The following STK32B variants were observed in gnomAD, a reference collection of about 807,000 sequenced individuals.
STK32B encodes serine/threonine kinase 32B, also known as serine/threonine-protein kinase 32B.
STK32B carries 43 observed loss-of-function variants against 52.6 expected under a neutral mutation model. The observed-to-expected ratio is 0.82, with a 90% confidence interval of 0.64 to 1.05. The LOEUF (loss-of-function observed/expected upper bound fraction) is 1.05, where lower values mean the gene tolerates loss of function less well. Among genes scored for constraint, STK32B ranks in the 50% least tolerant of loss-of-function variants. The pLI, the probability that STK32B is intolerant of heterozygous loss-of-function variation, is 0.00. For missense variants in STK32B, 621 were observed against 534.6 expected, an observed-to-expected ratio of 1.16 and a Z score of -1.59; for synonymous variants, 238 against 204.3, an observed-to-expected ratio of 1.17 and a Z score of -1.41.
At chr4:5,190,637 C>T (rs1461666110) in intron 3 of STK32B, among the ~76,000 whole-genome samples, 2 of 152,142 alleles carry the variant, frequency 1.3e-5, no homozygotes, top group Non-Finnish European at 2.9e-5. Context: ...ACACGGAGAT[C>T]GGCAAAACTC....
chr4:5,320,410 A>G (rs997648129), intron 3 of STK32B, among the ~76,000 whole-genome samples: 3 of 152,204 alleles, frequency 2.0e-5, no homozygotes, highest in South Asian at 2.1e-4. Context: ...TTGTTATTCC[A>G]TAGTCAAAAT....
chr4:5,309,260 A>C, intron 3 of STK32B, among the ~76,000 whole-genome samples: 1 of 152,190 alleles, frequency 6.6e-6, no homozygotes, highest in Admixed American at 6.5e-5. Flanking sequence ...AAAAATGGAA[A>C]GTTATCTCAT....
chr4:5,148,434 T>C (rs1056178795), intron 2 of STK32B, among the ~76,000 whole-genome samples: 4 of 151,862 alleles, frequency 2.6e-5, no homozygotes, highest in African/African-American at 7.2e-5. Context: ...TGATATGTTG[T>C]ATTTTATTAT....
intron 3 of STK32B, among the ~76,000 whole-genome samples, chr4:5,188,295 T>C (rs990218972): frequency 2.0e-5 from 3 of 152,132 alleles, no homozygotes; most frequent in Admixed American, 6.5e-5. Context: ...GCCGCAGAAA[T>C]AGCATTCGCA....
At chr4:5,427,719 T>G (rs1447600325) in intron 6 of STK32B, among the ~76,000 whole-genome samples, 1 of 152,160 alleles carries the variant, frequency 6.6e-6, no homozygotes, top group East Asian at 1.9e-4. Flanking sequence ...TATTATCCTT[T>G]TAATGAGTGT....
chr4:5,368,222 G>C (rs1735000978), intron 4 of STK32B, among the ~76,000 whole-genome samples: 1 of 152,170 alleles, frequency 6.6e-6, no homozygotes, highest in African/African-American at 2.4e-5. Flanking sequence ...CACTTGTTAG[G>C]TCTGCCTCTA....
rs944407427 is a variant in STK32B at position 5,453,187 on chromosome 4, G to A, written c.667-3620G>A. On this transcript the variant is annotated intron_variant, in intron 7 of 11. Coordinates refer to ENST00000282908, the MANE Select transcript of STK32B (RefSeq NM_018401.3). This position sits in a 1 kb window ranked among gnomAD's most constrained non-coding sequence, Gnocchi z 4.0. ...TCATCATTGTTTTTGTAATTGGTCC[G>A]GTTGCCTCCAGAAGGAGAGAGAATT... 7.9e-5 allele frequency among the ~76,000 whole-genome samples: 12 copies of A among 151,458 alleles called. No homozygotes were observed. The highest frequency in any genetic ancestry group is 2.0e-4 in the Admixed American group (3 of 15,164).
rs193195803 is a variant in STK32B at position 5,398,025 on chromosome 4, C to T, written c.435-182C>T. 3.1e-3 allele frequency among the ~76,000 whole-genome samples: 475 copies of T among 152,290 alleles called. No homozygotes were observed. The highest frequency in any genetic ancestry group is 0.014 in the Middle Eastern group (4 of 294). On this transcript the variant is annotated intron_variant, in intron 4 of 11. Coordinates refer to ENST00000282908, the MANE Select transcript of STK32B (RefSeq NM_018401.3). The surrounding 1 kb of genome is among the most constrained non-coding windows in gnomAD (Gnocchi z 4.9). ...TTGCACTTCCAGGAAAGAGAAGAGG[C>T]GATAAGAACACAGGTGTCCCATTAT...
At chr4:5,424,371 T>A (rs1712901694) in intron 6 of STK32B, among the ~76,000 whole-genome samples, 1 of 152,138 alleles carries the variant, frequency 6.6e-6, no homozygotes, top group Non-Finnish European at 1.5e-5. Flanking sequence ...GTCTGAAGCC[T>A]GGGGGCTGGG....
chr4:5,466,548 A>G (rs1343019910), intron 9 of STK32B, among the ~76,000 whole-genome samples, 155 bp from the exon 10 acceptor site: 1 of 152,208 alleles, frequency 6.6e-6, no homozygotes, highest in East Asian at 1.9e-4. Context: ...GTTGCTTTTT[A>G]TCATCAGAAA....
chr4:5,320,505 A>T (rs1403299285), intron 3 of STK32B, among the ~76,000 whole-genome samples: 1 of 152,214 alleles, frequency 6.6e-6, no homozygotes, highest in Non-Finnish European at 1.5e-5. Context: ...GAAAAAAATT[A>T]TATTTACAGC....
At chr4:5,263,216 C>T (rs1726840951) in intron 3 of STK32B, among the ~76,000 whole-genome samples, 2 of 134,368 alleles carry the variant, frequency 1.5e-5, no homozygotes, top group Non-Finnish European at 3.2e-5. Flanking sequence ...GGACAGCCCA[C>T]GTGTATCAAT....
At chr4:5,082,558 A>C (rs193274521) in intron 1 of STK32B, among the ~76,000 whole-genome samples, 1 of 152,306 alleles carries the variant, frequency 6.6e-6, no homozygotes, top group Non-Finnish European at 1.5e-5. Context: ...ATTCACTCCT[A>C]TATCCGTATC....
intron 4 of STK32B, among the ~76,000 whole-genome samples, chr4:5,351,611 TC>T (rs534652374): frequency 2.7e-3 from 405 of 151,696 alleles, no homozygotes; most frequent in Non-Finnish European, 4.3e-3. Flanking sequence ...ATAATAAAGA[TC>T]AGGGCAGAGC....
intron 4 of STK32B, among the ~76,000 whole-genome samples, chr4:5,364,528 A>G (rs1011575551): frequency 4.6e-5 from 7 of 152,188 alleles, no homozygotes; most frequent in African/African-American, 1.7e-4. Context: ...TACCAACCCA[A>G]GAGAAGACTC....
rs1024937055 is a variant in STK32B, at chr4:5,087,501, A to T, written c.52+35586A>T. 2.6e-5 allele frequency among the ~76,000 whole-genome samples: 4 copies of T among 152,032 alleles called. No homozygotes were observed. In the South Asian group the frequency reaches 8.3e-4, roughly 32 times the overall value. Reference sequence around the variant, plus strand: ...TAAACTCTCCAATTAAAAGATAGATATTGGCAGAATGGATAAAAAACAGCT... The same window carrying T: ...TAAACTCTCCAATTAAAAGATAGATTTTGGCAGAATGGATAAAAAACAGCT... On this transcript the variant is annotated intron_variant, in intron 1 of 11. Coordinates refer to ENST00000282908, the MANE Select transcript of STK32B (RefSeq NM_018401.3).
At chr4:5,184,252 G>T (rs939566012) in intron 3 of STK32B, among the ~76,000 whole-genome samples, 1 of 152,114 alleles carries the variant, frequency 6.6e-6, no homozygotes, top group Admixed American at 6.5e-5. Flanking sequence ...TTATTGCTTG[G>T]CCTAATTTCA....
At chr4:5,255,880 T>C (rs1215030197) in intron 3 of STK32B, among the ~76,000 whole-genome samples, 6 of 152,182 alleles carry the variant, frequency 3.9e-5, no homozygotes, top group Admixed American at 3.3e-4. Flanking sequence ...AAAGCTGCTG[T>C]GCACATTCTT....
At chr4:5,128,206 C>A (rs1715530928) in intron 1 of STK32B, among the ~76,000 whole-genome samples, 1 of 152,174 alleles carries the variant, frequency 6.6e-6, no homozygotes, top group Non-Finnish European at 1.5e-5. Flanking sequence ...CTTCTGGCCT[C>A]CAGAACTGTG....
Sources: allele counts gnomAD v4.1 joint callset (sites outside exome capture counted in the v4.1 genomes callset), GRCh38; gene constraint gnomAD v4.1.1; non-coding constraint Gnocchi (gnomAD v3.1); transcripts MANE v1.5; gene names NCBI Gene and HGNC (gene_info 2026-07-23, HGNC 2026-07-21).